NDFIP2: variants seen among roughly 807,000 people sequenced by gnomAD.
The protein encoded by NDFIP2 is Nedd4 family interacting protein 2.
Under a neutral mutation model 36.0 loss-of-function variants are expected in NDFIP2, and 19 were observed. The observed-to-expected ratio is 0.53, with a 90% CI of 0.37 to 0.77. The LOEUF is 0.77. Among genes scored for constraint, NDFIP2 ranks in the 30% least tolerant of loss-of-function variants. The pLI, the probability that NDFIP2 is intolerant of heterozygous loss-of-function variation, is 0.00. For synonymous variants in NDFIP2, 181 were observed against 167.7 expected, an observed-to-expected ratio of 1.08 and a Z score of -0.61; for missense variants, 446 against 435.8, an observed-to-expected ratio of 1.02 and a Z score of -0.21.
chr13:79,535,218 A>G (rs576493235), intron 3 of NDFIP2, among the ~76,000 whole-genome samples: 3 of 152,330 alleles, frequency 2.0e-5, no homozygotes, highest in Non-Finnish European at 2.9e-5. Context: ...GAAAGTCCCA[A>G]TAACTCCTTT....
chr13:79,487,400 C>T (rs1038162557), intron 1 of NDFIP2, among the ~76,000 whole-genome samples: 2 of 152,164 alleles, frequency 1.3e-5, no homozygotes, highest in Non-Finnish European at 2.9e-5. Context: ...CGAATGAATA[C>T]ACTGCAGTTT....
intron 3 of NDFIP2, among the ~76,000 whole-genome samples, chr13:79,536,905 G>A (rs1291041390): frequency 1.3e-5 from 2 of 152,016 alleles, no homozygotes; most frequent in Non-Finnish European, 2.9e-5. Flanking sequence ...GCATGCACCT[G>A]TAGTTCCAGC....
At chr13:79,538,089 T>C (rs1047004463) in intron 3 of NDFIP2, among the ~76,000 whole-genome samples, 1 of 151,804 alleles carries the variant, frequency 6.6e-6, no homozygotes, top group African/African-American at 2.4e-5. Context: ...CAACCAGATC[T>C]CAGAAAAAAC....
At chr13:79,544,737 T>C (rs547762538) in intron 5 of NDFIP2, among the ~76,000 whole-genome samples, 5 of 152,248 alleles carry the variant, frequency 3.3e-5, no homozygotes, top group African/African-American at 9.6e-5. Flanking sequence ...TTTAATAATA[T>C]ATATTATGAA....
intron 1 of NDFIP2, among the ~76,000 whole-genome samples, chr13:79,488,493 A>G (rs1427955609): frequency 2.6e-5 from 4 of 152,150 alleles, no homozygotes; most frequent in Non-Finnish European, 5.9e-5. Context: ...CTGGAGTACT[A>G]TATGTGTAGT....
chr13:79,521,266 A>C (rs944020673), intron 2 of NDFIP2, among the ~76,000 whole-genome samples: 1 of 152,142 alleles, frequency 6.6e-6, no homozygotes, highest in Non-Finnish European at 1.5e-5. Flanking sequence ...GTGATATCCC[A>C]TACATATGAT....
At chr13:79,544,428 G>T (rs144713868) in intron 5 of NDFIP2, among the ~76,000 whole-genome samples, 3 of 151,092 alleles carry the variant, frequency 2.0e-5, no homozygotes, top group Admixed American at 2.0e-4. Flanking sequence ...AGTGTTGTTC[G>T]CATAATCATC....
At chr13:79,491,626 C>T (rs1166412224) in intron 1 of NDFIP2, among the ~76,000 whole-genome samples, 3 of 152,188 alleles carry the variant, frequency 2.0e-5, no homozygotes, top group Non-Finnish European at 4.4e-5. Context: ...AAACATTGCT[C>T]AATTGTATGT....
At chr13:79,486,880 G>T (rs1037084018) in intron 1 of NDFIP2, among the ~76,000 whole-genome samples, 2 of 152,136 alleles carry the variant, frequency 1.3e-5, no homozygotes, top group African/African-American at 4.8e-5. Context: ...TGTAGTCTAG[G>T]AGCAATAGGC....
chr13:79,502,779 A>G (rs1594844169), intron 1 of NDFIP2, among the ~76,000 whole-genome samples: 1 of 152,082 alleles, frequency 6.6e-6, no homozygotes, highest in Non-Finnish European at 1.5e-5. Flanking sequence ...ATGGGAGTAT[A>G]TACATACATA....
rs576921033 is a variant in NDFIP2, at chr13:79,521,900, C to G, written c.487+925C>G. Among the ~76,000 whole-genome samples the G allele has an allele frequency of 2.7e-5, 4 of 150,768 alleles. No homozygotes were observed. The East Asian group carries it at 7.8e-4, about 29-fold the overall frequency. On this transcript the variant is annotated intron_variant, in intron 2 of 7. Transcript: ENST00000218652. Reference sequence around the variant, plus strand: ...TGTGCAGTGGCCCAATCTCGGCTCACTGCAAGCTCTGCCTTCCAGGTTCAC... The same window carrying G: ...TGTGCAGTGGCCCAATCTCGGCTCAGTGCAAGCTCTGCCTTCCAGGTTCAC...
At chr13:79,513,357 ATAT>A (rs1434386585) in intron 1 of NDFIP2, among the ~76,000 whole-genome samples, 8 of 152,230 alleles carry the variant, frequency 5.3e-5, no homozygotes, top group Non-Finnish European at 1.2e-4. Context: ...TGAAATCAAG[ATAT>A]TATACTATGG....
intron 1 of NDFIP2, among the ~76,000 whole-genome samples, chr13:79,513,715 CT>C (rs145412593): frequency 0.18 from 25,778 of 145,542 alleles, 2,643 homozygotes; most frequent in Middle Eastern, 0.31. Context: ...TTTTTCTCTT[CT>C]TTTTTTTTTT....
chr13:79,554,009 T>G lies in NDFIP2; in HGVS notation c.*1496T>G, dbSNP rs867783399. The stretch of plus-strand genomic sequence containing the variant: ...ATTTTTCCATTTCCAAAAAATAAAA[T>G]TTATTATGCTTTATAACCTCTTCTG... On this transcript the variant is annotated 3_prime_UTR_variant, in exon 8 of 8. Coordinates refer to ENST00000218652, the MANE Select transcript of NDFIP2 (RefSeq NM_019080.3). 5.2e-4 allele frequency: 79 copies of G among 151,772 alleles called. No homozygotes were observed. The highest frequency in any genetic ancestry group is 1.7e-3 in the African/African-American group (71 of 41,532). The allele number at this position is 151,772 out of a possible 1,614,324, so 9.4% of individuals were successfully genotyped here. A position where few individuals can be genotyped will look rare whatever the true frequency, so the allele number is the denominator to read the frequency against.
At chr13:79,536,040 A>C (rs927422400) in intron 3 of NDFIP2, among the ~76,000 whole-genome samples, 4 of 152,018 alleles carry the variant, frequency 2.6e-5, no homozygotes, top group African/African-American at 7.3e-5. Context: ...ATAGATAGTC[A>C]AGAGACTTTA....
intron 6 of NDFIP2, among the ~76,000 whole-genome samples, chr13:79,549,725 A>G (rs1024592087): frequency 6.6e-6 from 1 of 151,928 alleles, no homozygotes; most frequent in Non-Finnish European, 1.5e-5. Context: ...GAGACAAAGG[A>G]AGGGATCCCA....
chr13:79,515,614 A>G (rs1475490819), intron 1 of NDFIP2, among the ~76,000 whole-genome samples: 2 of 152,226 alleles, frequency 1.3e-5, no homozygotes, highest in Admixed American at 6.5e-5. Context: ...TTGAGTGTTT[A>G]TATGAGAACG....
At chr13:79,505,652 CA>C (rs1030233300) in intron 1 of NDFIP2, among the ~76,000 whole-genome samples, 1 of 149,738 alleles carries the variant, frequency 6.7e-6, no homozygotes, top group African/African-American at 2.4e-5. Flanking sequence ...ACCCAAAAAC[CA>C]AAAAGCTCCC....
chr13:79,538,052 G>T (rs942483518), intron 3 of NDFIP2, among the ~76,000 whole-genome samples: 2 of 152,132 alleles, frequency 1.3e-5, no homozygotes, highest in African/African-American at 4.8e-5. Context: ...GAGAGAGAGT[G>T]AAGGGGTGAT....
Sources: gnomAD v4.1 joint callset for allele counts (sites outside exome capture counted in the v4.1 genomes callset) on GRCh38, gnomAD v4.1.1 for gene constraint, MANE v1.5 for transcripts, NCBI Gene and HGNC (gene_info 2026-07-23, HGNC 2026-07-21) for gene names.